Variants in GINS2 observed in about 807,000 individuals in gnomAD.
GINS2 encodes GINS complex subunit 2, also known as DNA replication complex GINS protein PSF2.
A neutral mutation model predicts 21.2 loss-of-function variants in GINS2; 23 were observed. That is an observed-to-expected ratio of 1.08 (90% CI 0.78 to 1.53). The LOEUF (loss-of-function observed/expected upper bound fraction) is 1.53, where lower values mean the gene tolerates loss of function less well. Among genes scored for constraint, GINS2 ranks in the 40% most tolerant of loss-of-function variants. The probability of loss-of-function intolerance (pLI) is 0.00; values close to 1 mark genes in which losing one functional copy is unlikely to be tolerated. For missense variants in GINS2, 323 were observed against 233.9 expected (o/e 1.38, Z -2.49); for synonymous variants, 118 against 85.6 (o/e 1.38, Z -2.09).
intron 3 of GINS2, among the ~76,000 whole-genome samples, chr16:85,680,148 GCAC>G (rs1448385054): frequency 6.6e-6 from 1 of 152,078 alleles, no homozygotes; most frequent in African/African-American, 2.4e-5. Context: ...CATCTCTCCC[GCAC>G]CACACCAGGA....
chr16:85,684,668 G>C (rs933115766), intron 2 of GINS2, among the ~76,000 whole-genome samples: 2 of 151,670 alleles, frequency 1.3e-5, no homozygotes, highest in South Asian at 2.1e-4. Context: ...GCTGAGCTCT[G>C]TGTCCCGGTG....
Position 85,678,196 on chromosome 16 carries a change from T to C in GINS2, c.*16A>G. The C allele has an allele frequency of 1.2e-6, 2 of 1,611,562 alleles. No individual in the cohort carries two copies. The highest frequency in any genetic ancestry group is 1.1e-5 in the South Asian group (1 of 90,680). On this transcript the variant is annotated 3_prime_UTR_variant, in exon 5 of 5. Coordinates refer to ENST00000253462, the MANE Select transcript of GINS2 (RefSeq NM_016095.3). The stretch of plus-strand genomic sequence containing the variant: ...CGCTCACATCCCCCAGCAAGCCGCC[T>C]GCACCAGGCCTTTCTCTAGAAGTCC...
Position 85,678,078 on chromosome 16 carries a change from T to C in GINS2, c.*134A>G. 2 of 765,464 alleles carry C rather than the reference T, an allele frequency of 2.6e-6. No individual in the cohort carries two copies. The highest frequency in any genetic ancestry group is 4.3e-6 in the Non-Finnish European group (2 of 462,890). 47.4% of individuals were successfully genotyped at this position (765,464 alleles called of 1,614,324 possible). The stretch of plus-strand genomic sequence containing the variant: ...TCACAAACTTGTTTCTCCAACAACA[T>C]CCTGAATCCATTCCTTGCACCATCA... On this transcript the variant is annotated 3_prime_UTR_variant, in exon 5 of 5. Coordinates refer to ENST00000253462, the MANE Select transcript of GINS2 (RefSeq NM_016095.3).
rs1326286581 is a variant in GINS2, at chr16:85,681,592, G to C, written c.295C>G (p.Leu99Val). The change falls in exon 3 of 5, where the codon CTG (leucine) becomes GTG (valine). Residue 99 changes from leucine (L) to valine (V), a missense_variant. Coordinates refer to ENST00000253462, the MANE Select transcript of GINS2 (RefSeq NM_016095.3). ...GTGAGATCTACTTACTGATTTAACA[G>C]GAGCTTCGTAAGTTCCATGTAGTAA... ...SPYYMELTKLLLNHASDNIPK... is the reference protein window; with the variant it reads ...SPYYMELTKLVLNHASDNIPK... 1 of 1,598,084 alleles carries C rather than the reference G, an allele frequency of 6.3e-7. No homozygotes were observed. The highest frequency in any genetic ancestry group is 1.7e-5 in the Admixed American group (1 of 59,798).
intron 1 of GINS2, 116 bp from the exon 2 acceptor site, chr16:85,687,690 A>C (rs2053789554): frequency 5.1e-6 from 3 of 593,292 alleles, no homozygotes; most frequent in Non-Finnish European, 8.6e-6. Flanking sequence ...TCCAAATGCA[A>C]ATAATAAAAA....
At chr16:85,684,716 G>A (rs772456600) in intron 2 of GINS2, among the ~76,000 whole-genome samples, 6 of 150,644 alleles carry the variant, frequency 4.0e-5, no homozygotes, top group Non-Finnish European at 7.4e-5. Flanking sequence ...AAACAGTGTT[G>A]GATAAGAGAA....
At position 85,677,259 on chromosome 16, in the gene GINS2, A is replaced by C. The variant is rs889339667; in HGVS notation, c.*953T>G. On this transcript the variant is annotated 3_prime_UTR_variant, in exon 5 of 5. Transcript: ENST00000253462. The stretch of plus-strand genomic sequence containing the variant: ...GGACGATCATTTCACCTCTCAAGGT[A>C]ATGTAATTTCTGTAAAGGTCCTAAC... The C allele has an allele frequency of 1.7e-4, 26 of 152,206 alleles. No individual in the cohort carries two copies. The highest frequency in any genetic ancestry group is 2.9e-5 in the Non-Finnish European group (2 of 68,046). 9.4% of individuals were successfully genotyped at this position (152,206 alleles called of 1,614,324 possible). A position where few individuals can be genotyped will look rare whatever the true frequency, so the allele number is the denominator to read the frequency against.
rs575653426 is a variant in GINS2 at position 85,687,804 on chromosome 16, G to A, written c.91-230C>T. 44 of 410,494 alleles carry A rather than the reference G, an allele frequency of 1.1e-4. 1 individual carries two copies. The highest frequency in any genetic ancestry group is 5.0e-4 in the African/African-American group (24 of 48,432). 25.4% of individuals were successfully genotyped at this position (410,494 alleles called of 1,614,324 possible). A position where few individuals can be genotyped will look rare whatever the true frequency, so the allele number is the denominator to read the frequency against. On this transcript the variant is annotated intron_variant, in intron 1 of 4. Transcript: ENST00000253462. ...TGGCCTTTCCGCGGACAGGATGCAAGTCTCCCCTGAGTGGGTGGGGGGCGC... is the reference window on the plus strand; with the variant it reads ...TGGCCTTTCCGCGGACAGGATGCAAATCTCCCCTGAGTGGGTGGGGGGCGC...
intron 2 of GINS2, among the ~76,000 whole-genome samples, chr16:85,686,219 C>T (rs994258093): frequency 1.3e-5 from 2 of 152,118 alleles, no homozygotes; most frequent in South Asian, 4.1e-4. Context: ...TTGAGACCAA[C>T]CTGGCTAACA....
At chr16:85,679,107 G>A (rs1294480434) in intron 3 of GINS2, among the ~76,000 whole-genome samples, 1 of 152,206 alleles carries the variant, frequency 6.6e-6, no homozygotes, top group Non-Finnish European at 1.5e-5. Flanking sequence ...AGGGCTCACA[G>A]CCTAGAGAAG....
chr16:85,686,427 A>C (rs941333737), intron 2 of GINS2, among the ~76,000 whole-genome samples: 2 of 152,130 alleles, frequency 1.3e-5, no homozygotes, highest in African/African-American at 4.8e-5. Context: ...CAAAAAAAAA[A>C]AAAAAGTATA....
intron 3 of GINS2, among the ~76,000 whole-genome samples, chr16:85,678,979 G>C (rs1009416686): frequency 6.6e-6 from 1 of 152,140 alleles, no homozygotes; most frequent in African/African-American, 2.4e-5. Context: ...ACAGCATTCC[G>C]TGCTGCCTAA....
At chr16:85,687,357 G>C (rs908105914) in intron 2 of GINS2, 103 bp downstream of exon 2, 2 of 607,988 alleles carry the variant, frequency 3.3e-6, no homozygotes, top group Non-Finnish European at 5.9e-6. Flanking sequence ...AGGGAGCACG[G>C]ACCTAGTCAG....
rs2152049728 is a variant in GINS2 at position 85,676,824 on chromosome 16, C to A, written c.*1388G>T. ...GAGCTATAATCACGCCACTCTACTG[C>A]AGCCTGGATGACAGAACGAGACCCT... On this transcript the variant is annotated 3_prime_UTR_variant, in exon 5 of 5. Transcript: ENST00000253462. The A allele has an allele frequency of 6.6e-6, 1 of 152,230 alleles. No individual in the cohort carries two copies. The highest frequency in any genetic ancestry group is 6.5e-5 in the Admixed American group (1 of 15,278). 9.4% of individuals were successfully genotyped at this position (152,230 alleles called of 1,614,324 possible).
intron 3 of GINS2, 60 bp downstream of exon 3, chr16:85,681,521 AG>A: frequency 1.0e-6 from 1 of 962,618 alleles, no homozygotes; most frequent in South Asian, 1.4e-5. Flanking sequence ...GACGAGGGTT[AG>A]GGGAAGGGCA....
At chr16:85,681,041 G>A (rs981209697) in intron 3 of GINS2, among the ~76,000 whole-genome samples, 1 of 152,208 alleles carries the variant, frequency 6.6e-6, no homozygotes, top group African/African-American at 2.4e-5. Context: ...TATGGATGAA[G>A]GCAAACAAGC....
At chr16:85,679,724 G>C (rs1032127063) in intron 3 of GINS2, among the ~76,000 whole-genome samples, 3 of 152,100 alleles carry the variant, frequency 2.0e-5, no homozygotes, top group Non-Finnish European at 2.9e-5. Flanking sequence ...AAAATGGATA[G>C]GCCCCCTCAC....
chr16:85,679,004 G>A (rs575218511), intron 3 of GINS2, among the ~76,000 whole-genome samples: 2 of 152,264 alleles, frequency 1.3e-5, no homozygotes, highest in African/African-American at 2.4e-5. Flanking sequence ...CATCTACAAG[G>A]AATCAGTTTC....
At chr16:85,680,114 A>T (rs2053719227) in intron 3 of GINS2, among the ~76,000 whole-genome samples, 1 of 152,144 alleles carries the variant, frequency 6.6e-6, no homozygotes, top group Non-Finnish European at 1.5e-5. Flanking sequence ...CACACTGAAG[A>T]TTCACTATAG....
Sources: allele counts gnomAD v4.1 joint callset (sites outside exome capture counted in the v4.1 genomes callset), GRCh38; gene constraint gnomAD v4.1.1; transcripts MANE v1.5; gene names NCBI Gene and HGNC (gene_info 2026-07-23, HGNC 2026-07-21).